GLB1L3: variants seen among roughly 807,000 people sequenced by gnomAD.
The protein encoded by GLB1L3 is beta-galactosidase-1-like protein 3.
GLB1L3 carries 89 observed loss-of-function variants against 89.5 expected under a neutral mutation model. The observed-to-expected ratio is 0.99, with a 90% CI of 0.84 to 1.19. The LOEUF (loss-of-function observed/expected upper bound fraction) is 1.19, where lower values mean the gene tolerates loss of function less well. GLB1L3 is among the 50% of genes most tolerant of loss of function. The pLI is 0.00. For synonymous variants in GLB1L3, 314 were observed against 312.3 expected, an observed-to-expected ratio of 1.01 and a Z score of -0.06; for missense variants, 812 against 813.3, an observed-to-expected ratio of 1.00 and a Z score of 0.02.
intron 5 of GLB1L3, among the ~76,000 whole-genome samples, chr11:134,283,283 C>T (rs1470649223): frequency 2.6e-5 from 4 of 152,128 alleles, no homozygotes; most frequent in Admixed American, 2.0e-4. Context: ...AGGCTGGTCT[C>T]GAACTCCTGA....
chr11:134,308,203 T>TACCACCACCACCACC (rs1356980088), intron 10 of GLB1L3, among the ~76,000 whole-genome samples: 7 of 30,646 alleles, frequency 2.3e-4, no homozygotes, highest in African/African-American at 5.0e-4. Flanking sequence ...CCATCACCAC[T>TACCACCACCACCACC]ACCACCACCA....
In GLB1L3 at chr11:134,310,626, T is replaced by C. The variant is rs1726936773; in HGVS notation, c.1155T>C (p.Leu385=). 1.2e-6 allele frequency: 2 copies of C among 1,613,300 alleles called. No individual in the cohort carries two copies. Among genetic ancestry groups the C allele is most frequent in the African/African-American group, 2.7e-5 (2 of 74,922 alleles). ...ATTACACAGAAAAATATCTGAAGCT[T>C]CAAAAACTCTTTCAATCTGTCTCAG... ...AGDYTEKYLK[L]QKLFQSVSAT... is the part of the protein sequence containing the mutation. The change falls in exon 12 of 20, where the codon CTT becomes CTC. Residue 385 remains leucine, a synonymous_variant. Transcript: ENST00000431683.
intron 10 of GLB1L3, among the ~76,000 whole-genome samples, chr11:134,308,377 CCATCACCACCAT>C (rs1942420545): frequency 1.9e-5 from 1 of 52,614 alleles, no homozygotes; most frequent in Admixed American, 2.5e-4. Context: ...ACCACCACCA[CCATCACCACCAT>C]CACCACCATC....
intron 9 of GLB1L3, among the ~76,000 whole-genome samples, chr11:134,306,836 C>A (rs547140582): frequency 6.6e-6 from 1 of 152,366 alleles, no homozygotes; most frequent in African/African-American, 2.4e-5. Flanking sequence ...ATTCTTTCAA[C>A]ACCAGCCTTG....
intron 6 of GLB1L3, among the ~76,000 whole-genome samples, chr11:134,285,137 C>T (rs1001524789): frequency 2.6e-5 from 4 of 151,938 alleles, no homozygotes; most frequent in African/African-American, 9.7e-5. Context: ...ACTGTGTTAG[C>T]CAGGATGGTC....
chr11:134,283,719 C>G lies in GLB1L3; in HGVS notation c.528-18C>G. The stretch of plus-strand genomic sequence containing the variant: ...CCCAACCCGTCTCAGACCCTGAGCC[C>G]GCCCCTCTTGCCCCCAGCTGGCTCC... On this transcript the variant is annotated intron_variant, in intron 5 of 19. Transcript: ENST00000431683. 6.6e-7 allele frequency: 1 copy of G among 1,510,362 alleles called. No individual in the cohort carries two copies. Among genetic ancestry groups the G allele is most frequent in the Non-Finnish European group, 9.2e-7 (1 of 1,090,366 alleles). 93.6% of individuals were successfully genotyped at this position (1,510,362 alleles called of 1,614,324 possible).
At chr11:134,291,604 A>G (rs1486255667) in intron 7 of GLB1L3, among the ~76,000 whole-genome samples, 1 of 152,210 alleles carries the variant, frequency 6.6e-6, no homozygotes, top group Non-Finnish European at 1.5e-5. Flanking sequence ...TGCTACATAA[A>G]TAGTTGCTAT....
rs973341513 is a variant in GLB1L3, at chr11:134,312,881, A to G, written c.1494A>G (p.Glu498=). 5.6e-6 allele frequency: 9 copies of G among 1,603,904 alleles called. No homozygotes were observed. The highest frequency in any genetic ancestry group is 1.1e-5 in the South Asian group (1 of 89,892). ...ATAATAAGGACCTGCACATTCCTGA[A>G]CTCAGGGTATGTAATTTGAGAGTCC... ...NENNKDLHIP[E]LRDCRYLRIL... is the part of the protein sequence containing the mutation. Residue 498 remains glutamate, a synonymous_variant, in exon 15 of 20, where the codon GAA becomes GAG. Coordinates refer to ENST00000431683, the MANE Select transcript of GLB1L3 (RefSeq NM_001080407.3).
At chr11:134,312,979 C>CCTG in intron 15 of GLB1L3, 92 bp downstream of exon 15, 2 of 901,182 alleles carry the variant, frequency 2.2e-6, no homozygotes, top group East Asian at 5.3e-5. Flanking sequence ...CTTCTCCACC[C>CCTG]CTGCTGCTGG....
At chr11:134,305,260 C>G (rs372592285) in intron 9 of GLB1L3, 3 of 718,028 alleles carry the variant, frequency 4.2e-6, no homozygotes, top group East Asian at 2.7e-5. Flanking sequence ...TTCCCTTCAC[C>G]AGCTTGTGCA....
At chr11:134,300,607 T>A (rs2136176475) in intron 9 of GLB1L3, among the ~76,000 whole-genome samples, 1 of 152,206 alleles carries the variant, frequency 6.6e-6, no homozygotes, top group Admixed American at 6.5e-5. Flanking sequence ...GTGCTGGGAT[T>A]ACAGGCGTGA....
chr11:134,286,158 C>A (rs1940972263), intron 6 of GLB1L3, among the ~76,000 whole-genome samples: 1 of 152,052 alleles, frequency 6.6e-6, no homozygotes, highest in Admixed American at 6.5e-5. Flanking sequence ...ATCCATCTGC[C>A]TCGGCCTCCC....
At chr11:134,280,429 C>T (rs1441745545) in intron 3 of GLB1L3, among the ~76,000 whole-genome samples, 2 of 152,154 alleles carry the variant, frequency 1.3e-5, no homozygotes, top group Non-Finnish European at 2.9e-5. Context: ...CTGTTGGCTA[C>T]TGGGTTCTCT....
intron 10 of GLB1L3, among the ~76,000 whole-genome samples, chr11:134,307,541 A>T (rs1942259979): frequency 1.3e-5 from 2 of 152,220 alleles, no homozygotes; most frequent in Admixed American, 6.5e-5. Flanking sequence ...AGGTAAGGTT[A>T]GGTGGTCACC....
chr11:134,322,588 C>T (rs1347756809), downstream of GLB1L3, among the ~76,000 whole-genome samples: 1 of 152,130 alleles, frequency 6.6e-6, no homozygotes, highest in East Asian at 1.9e-4. Flanking sequence ...CCCCTTTCCA[C>T]CCAGCCCCTG....
rs770853555 is a variant in GLB1L3 at position 134,318,952 on chromosome 11, T to A, written c.*10T>A. ...CAAGCCCACGCTGTAAAACTGTGTC[T>A]GAACATTTTTTTTTTTTTTTGAGAT... On this transcript the variant is annotated 3_prime_UTR_variant, in exon 20 of 20. Transcript: ENST00000431683. The A allele has an allele frequency of 6.5e-7, 1 of 1,549,942 alleles. No individual in the cohort carries two copies. Among genetic ancestry groups the A allele is most frequent in the South Asian group, 1.2e-5 (1 of 86,662 alleles).
chr11:134,313,984 C>T lies in GLB1L3; in HGVS notation c.1623C>T (p.Gly541=), dbSNP rs1222074505. The T allele has an allele frequency of 1.9e-6, 3 of 1,612,776 alleles. No individual in the cohort carries two copies. The African/African-American group carries it at 4.0e-5, about 21-fold the overall frequency. The change falls in exon 17 of 20, where the codon GGC becomes GGT. Residue 541 remains glycine, a synonymous_variant. Transcript: ENST00000431683. The stretch of plus-strand genomic sequence containing the variant: ...GCATCAATAACTCTTCCCTGGAGGG[C>T]TTTACCATCTATTCCCTGGAGATGA... The part of the protein sequence containing the change: ...SVSINNSSLE[G]FTIYSLEMKM...
intron 10 of GLB1L3, among the ~76,000 whole-genome samples, chr11:134,308,267 A>C (rs1591578002): frequency 2.2e-5 from 1 of 45,076 alleles, no homozygotes. Context: ...CACCACCACC[A>C]CCACCACCAC....
chr11:134,317,988 A>G (rs1388784348), intron 18 of GLB1L3, among the ~76,000 whole-genome samples: 1 of 152,138 alleles, frequency 6.6e-6, no homozygotes, highest in Non-Finnish European at 1.5e-5. Context: ...CCTTTTGGTT[A>G]GGGTTTACAT....
Sources: gnomAD v4.1 joint callset for allele counts (sites outside exome capture counted in the v4.1 genomes callset) on GRCh38, gnomAD v4.1.1 for gene constraint, MANE v1.5 for transcripts, NCBI Gene and HGNC (gene_info 2026-07-23, HGNC 2026-07-21) for gene names.